The following UGT1A9 variants were observed in gnomAD, a reference collection of about 807,000 sequenced individuals.
The protein encoded by UGT1A9 is UDP-glucuronosyltransferase 1A9.
Under a neutral mutation model 45.0 loss-of-function variants are expected in UGT1A9, and 35 were observed. The ratio of observed to expected loss-of-function variants is 0.78; its 90% CI spans 0.59 to 1.03. The LOEUF is 1.03. UGT1A9 is among the 50% of genes least tolerant of loss of function. The pLI, the probability that UGT1A9 is intolerant of heterozygous loss-of-function variation, is 0.00. For synonymous variants in UGT1A9, 278 were observed against 250.6 expected, an observed-to-expected ratio of 1.11 and a Z score of -1.03; for missense variants, 687 against 666.6, an observed-to-expected ratio of 1.03 and a Z score of -0.34.
chr2:233,719,335 T>C lies in UGT1A9; in HGVS notation c.855+46546T>C, dbSNP rs759894236. 4 of 1,613,958 alleles carry C rather than the reference T, an allele frequency of 2.5e-6. No individual in the cohort carries two copies. In the Admixed American group the frequency reaches 6.7e-5, roughly 27 times the overall value. On this transcript the variant is annotated intron_variant, in intron 1 of 4. Transcript: ENST00000354728. ...TACCTGTCGATTCCTGCTGTGTTTT[T>C]TTGGAGGTACATTCCATGTGACTTA...
intron 1 of UGT1A9, chr2:233,754,697 C>T (rs1559399199): frequency 1.4e-5 from 7 of 503,130 alleles, no homozygotes; most frequent in Admixed American, 1.2e-4. Flanking sequence ...CAGTGGAAGT[C>T]GACATGGACT....
In UGT1A9 at chr2:233,772,954, T is replaced by C; in HGVS notation, c.*395T>C. 6.3e-6 allele frequency: 2 copies of C among 319,870 alleles called. No individual in the cohort carries two copies. Among genetic ancestry groups the C allele is most frequent in the Non-Finnish European group, 1.2e-5 (2 of 168,958 alleles). 19.8% of individuals were successfully genotyped at this position (319,870 alleles called of 1,614,324 possible). ...CTTATCTTTTGGCTTCTGCAGATGG[T>C]TGCAATTGATCCTTAACCAATAATG... On this transcript the variant is annotated 3_prime_UTR_variant, in exon 5 of 5. Transcript: ENST00000354728.
At chr2:233,729,089 G>A (rs373016756) in intron 1 of UGT1A9, 93 of 1,612,442 alleles carry the variant, frequency 5.8e-5, no homozygotes, top group Middle Eastern at 2.1e-4. Flanking sequence ...CAGGCACAGC[G>A]TGGGGTGGAC....
chr2:233,744,538 A>C (rs4663967), intron 1 of UGT1A9, among the ~76,000 whole-genome samples: 82,778 of 151,254 alleles, frequency 0.55, 24,850 homozygotes, highest in African/African-American at 0.8. Context: ...TTTTATGTAA[A>C]TTTTATTAAG....
At chr2:233,772,075 T>C (rs1032984731) in intron 4 of UGT1A9, among the ~76,000 whole-genome samples, 187 bp from the exon 5 acceptor site, 85 of 152,270 alleles carry the variant, frequency 5.6e-4, no homozygotes, top group Non-Finnish European at 1.0e-3. Flanking sequence ...CTTGTGCCAC[T>C]ACACTCCAGC....
At chr2:233,714,301 A>G (rs45600634) in intron 1 of UGT1A9, among the ~76,000 whole-genome samples, 30 of 152,200 alleles carry the variant, frequency 2.0e-4, no homozygotes, top group African/African-American at 6.8e-4. Flanking sequence ...CCATCTTGCA[A>G]AAGATAGAGA....
In UGT1A9 at chr2:233,751,441, T is replaced by C. The variant is rs573707863; in HGVS notation, c.856-15593T>C. Among the ~76,000 whole-genome samples the C allele has an allele frequency of 5.9e-5, 9 of 152,232 alleles. No homozygotes were observed. In the East Asian group the frequency reaches 7.7e-4, roughly 13 times the overall value. On this transcript the variant is annotated intron_variant, in intron 1 of 4. Transcript: ENST00000354728. Reference sequence around the variant, plus strand: ...GCTAGTGCTGAAATGAGTTAAGACTTTGGAAGATTGTTGGGAAGGCACGAT... The same window carrying C: ...GCTAGTGCTGAAATGAGTTAAGACTCTGGAAGATTGTTGGGAAGGCACGAT...
At chr2:233,755,240 T>C (rs995550231) in intron 1 of UGT1A9, 23 of 876,322 alleles carry the variant, frequency 2.6e-5, no homozygotes, top group Admixed American at 5.9e-5. Context: ...CCTACCGGGG[T>C]ACTCCCAGCA....
intron 1 of UGT1A9, chr2:233,692,279 C>G (rs2075088815): frequency 6.6e-6 from 1 of 152,370 alleles, no homozygotes. Flanking sequence ...TTTCCTCTGG[C>G]TATTCATCCG....
At chr2:233,716,337 C>A (rs17868335) in intron 1 of UGT1A9, among the ~76,000 whole-genome samples, 15,441 of 152,180 alleles carry the variant, frequency 0.1, 906 homozygotes, top group East Asian at 0.2. Flanking sequence ...CCCAGGTTTG[C>A]GCAACTACAA....
intron 1 of UGT1A9, among the ~76,000 whole-genome samples, chr2:233,733,416 G>A (rs570726599): frequency 2.1e-4 from 32 of 152,222 alleles, no homozygotes; most frequent in African/African-American, 7.5e-4. Context: ...TCCAGTTTTC[G>A]CCTACTCAGT....
intron 1 of UGT1A9, among the ~76,000 whole-genome samples, chr2:233,763,526 CCT>C (rs1427600025): frequency 1.3e-5 from 2 of 152,212 alleles, no homozygotes; most frequent in Non-Finnish European, 2.9e-5. Context: ...TTGCCATTCT[CCT>C]TTTTCCGGAT....
In UGT1A9 at chr2:233,719,743, A is replaced by T. The variant is rs568452098; in HGVS notation, c.855+46954A>T. 25 of 1,613,098 alleles carry T rather than the reference A, an allele frequency of 1.5e-5. No homozygotes were observed. In the East Asian group the frequency reaches 5.3e-4, roughly 35 times the overall value. ...TTCCAGGCAAAACACTTTTTAAAAA[A>T]TGTATTTACTTACAAGTGCTTCCAT... On this transcript the variant is annotated intron_variant, in intron 1 of 4. Coordinates refer to ENST00000354728, the MANE Select transcript of UGT1A9 (RefSeq NM_021027.3).
chr2:233,725,481 C>T (rs1370890816), intron 1 of UGT1A9, among the ~76,000 whole-genome samples: 11 of 151,704 alleles, frequency 7.3e-5, no homozygotes, highest in Non-Finnish European at 1.5e-4. Context: ...TGTTAGAAAC[C>T]AGCAAAAAGA....
At chr2:233,677,560 C>A (rs139096739) in intron 1 of UGT1A9, among the ~76,000 whole-genome samples, 1 of 151,944 alleles carries the variant, frequency 6.6e-6, no homozygotes, top group Non-Finnish European at 1.5e-5. Flanking sequence ...TATTAAAAAA[C>A]GTAACATATG....
At chr2:233,674,963 G>C (rs1051126969) in intron 1 of UGT1A9, among the ~76,000 whole-genome samples, 1 of 152,176 alleles carries the variant, frequency 6.6e-6, no homozygotes, top group Non-Finnish European at 1.5e-5. Flanking sequence ...CTGGGAAACA[G>C]GATTCAGAGT....
intron 1 of UGT1A9, among the ~76,000 whole-genome samples, chr2:233,700,666 G>A (rs2075579039): frequency 6.6e-6 from 1 of 151,920 alleles, no homozygotes; most frequent in Non-Finnish European, 1.5e-5. Flanking sequence ...CTACTTTTCA[G>A]CACAAATTCG....
chr2:233,694,661 G>T (rs1365706978), intron 1 of UGT1A9, among the ~76,000 whole-genome samples: 2 of 152,122 alleles, frequency 1.3e-5, no homozygotes, highest in African/African-American at 4.8e-5. Context: ...TTTTATCAGA[G>T]AGAAAGCCTC....
intron 1 of UGT1A9, chr2:233,760,559 C>A (rs776620061): frequency 1.2e-6 from 2 of 1,614,238 alleles, no homozygotes; most frequent in Admixed American, 3.3e-5. Flanking sequence ...GTGAAAGAGT[C>A]TTTTGTTAGT....
Sources: gnomAD v4.1 joint callset for allele counts (sites outside exome capture counted in the v4.1 genomes callset) on GRCh38, gnomAD v4.1.1 for gene constraint, MANE v1.5 for transcripts, NCBI Gene and HGNC (gene_info 2026-07-23, HGNC 2026-07-21) for gene names.